Variants in GCNT2 observed in about 807,000 individuals in gnomAD.
The protein encoded by GCNT2 is N-acetyllactosaminide beta-1,6-N-acetylglucosaminyl-transferase.
In GCNT2, 34 loss-of-function variants were observed where a neutral mutation model predicts 34.2. That is an observed-to-expected ratio of 1.00 (90% confidence interval 0.76 to 1.32). The LOEUF (loss-of-function observed/expected upper bound fraction) is 1.32, where lower values mean the gene tolerates loss of function less well. Among genes scored for constraint, GCNT2 ranks in the 40% most tolerant of loss-of-function variants. The probability of loss-of-function intolerance (pLI) is 0.00; values close to 1 mark genes in which losing one functional copy is unlikely to be tolerated. For missense variants in GCNT2, 584 were observed against 489.4 expected, an observed-to-expected ratio of 1.19 and a Z score of -1.82; for synonymous variants, 212 against 188.0, an observed-to-expected ratio of 1.13 and a Z score of -1.04.
At chr6:10,563,770 A>T (rs1581412148) in intron 3 of GCNT2, among the ~76,000 whole-genome samples, 12 of 75,336 alleles carry the variant, frequency 1.6e-4, no homozygotes, top group Non-Finnish European at 2.5e-4. Flanking sequence ...AAAAAAAAAA[A>T]AAAAAAAATA....
rs370679640 is a variant in GCNT2 at position 10,609,339 on chromosome 6, G to GA, written c.926-12011dup. Reference sequence around the variant, plus strand: ...GAGAGCACATAAGAGTGAGAACCAAGAGAGGGTCAAGCTTGCTTTTACAAT... The same window carrying GA: ...GAGAGCACATAAGAGTGAGAACCAAGAAGAGGGTCAAGCTTGCTTTTACAAT... On this transcript the variant is annotated intron_variant, in intron 3 of 4. Transcript: ENST00000495262. Among the ~76,000 whole-genome samples the GA allele has an allele frequency of 3.5e-4, 54 of 152,302 alleles. 1 individual carries two copies. The highest frequency in any genetic ancestry group is 1.3e-3 in the African/African-American group (54 of 41,572).
At chr6:10,567,456 C>G (rs993987826) in intron 3 of GCNT2, among the ~76,000 whole-genome samples, 2 of 151,974 alleles carry the variant, frequency 1.3e-5, no homozygotes, top group Admixed American at 6.6e-5. Flanking sequence ...GATGCTATCT[C>G]AAAGAAAAAG....
chr6:10,585,298 A>G (rs1764297618), intron 3 of GCNT2, among the ~76,000 whole-genome samples: 1 of 151,936 alleles, frequency 6.6e-6, no homozygotes, highest in Non-Finnish European at 1.5e-5. Flanking sequence ...TCCCGCCTCA[A>G]CCTCCTGAGT....
At chr6:10,602,668 T>C (rs1765135645) in intron 3 of GCNT2, among the ~76,000 whole-genome samples, 1 of 152,216 alleles carries the variant, frequency 6.6e-6, no homozygotes, top group African/African-American at 2.4e-5. Flanking sequence ...ACAAGAGTCG[T>C]AAGTGAGCAT....
At chr6:10,585,641 C>T in intron 3 of GCNT2, 1 of 427,252 alleles carries the variant, frequency 2.3e-6, no homozygotes. Flanking sequence ...AAGGACCCAT[C>T]ATTGCATTCC....
At chr6:10,556,953 C>T (rs1561797115) in intron 3 of GCNT2, 4 of 1,613,856 alleles carry the variant, frequency 2.5e-6, no homozygotes, top group Admixed American at 3.3e-5. Context: ...GATCTTTCTG[C>T]CTTCGAGGTC....
At chr6:10,527,174 A>G (rs906086635) in intron 1 of GCNT2, among the ~76,000 whole-genome samples, 2 of 152,196 alleles carry the variant, frequency 1.3e-5, no homozygotes, top group African/African-American at 4.8e-5. Context: ...CTGTAATCCC[A>G]GCACTTTGGG....
chr6:10,553,558 TC>T (rs1762566804), intron 3 of GCNT2, among the ~76,000 whole-genome samples: 1 of 152,218 alleles, frequency 6.6e-6, no homozygotes, highest in Non-Finnish European at 1.5e-5. Context: ...ATACTCTCTT[TC>T]CTTTGGAGCT....
intron 3 of GCNT2, among the ~76,000 whole-genome samples, chr6:10,533,132 C>A (rs1227987045): frequency 6.6e-6 from 1 of 150,560 alleles, no homozygotes; most frequent in Non-Finnish European, 1.5e-5. Flanking sequence ...CATGGTGAAA[C>A]CTATCTCTAC....
chr6:10,538,437 A>AATATATATATATAT lies in GCNT2; in HGVS notation c.925+8608_925+8621dup, dbSNP rs1554127248. ...AAAAAAAAAAAAAAAAAAAAAAAAAAATATATATATATATATATATGTTGA... is the reference window on the plus strand; with the variant it reads ...AAAAAAAAAAAAAAAAAAAAAAAAAAATATATATATATATATATATATATATATATATATGTTGA... On this transcript the variant is annotated intron_variant, in intron 3 of 4. Coordinates refer to ENST00000495262, the MANE Select transcript of GCNT2 (RefSeq NM_145649.5). Among the ~76,000 whole-genome samples the AATATATATATATAT allele has an allele frequency of 2.3e-3, 166 of 73,314 alleles. 5 individuals carry two copies. Among genetic ancestry groups the AATATATATATATAT allele is most frequent in the African/African-American group, 0.018 (151 of 8,362 alleles). The allele number at this position is 73,314 out of a possible 152,430, so 48.1% of individuals were successfully genotyped here.
At chr6:10,617,403 A>G (rs1765826825) in intron 3 of GCNT2, among the ~76,000 whole-genome samples, 1 of 151,836 alleles carries the variant, frequency 6.6e-6, no homozygotes, top group African/African-American at 2.4e-5. Flanking sequence ...CTCTCTCTCC[A>G]CACCTCCCAG....
Position 10,529,418 on chromosome 6 carries a change from T to A in GCNT2, c.507T>A (p.Ala169=). 1 of 1,614,124 alleles carries A rather than the reference T, an allele frequency of 6.2e-7. No individual in the cohort carries two copies. Among genetic ancestry groups the A allele is most frequent in the South Asian group, 1.1e-5 (1 of 91,082 alleles). The part of the protein sequence containing the change: ...VVYGGISRLQ[A]DLNCLEDLVA... ...ATGGGGGGATCTCCAGGCTCCAGGC[T>A]GACCTGAACTGCCTGGAAGACCTTG... The change falls in exon 3 of 5, where the codon GCT becomes GCA. Residue 169 remains alanine, a synonymous_variant. Transcript: ENST00000495262.
chr6:10,592,251 G>A (rs1456873649), intron 3 of GCNT2, among the ~76,000 whole-genome samples: 1 of 152,178 alleles, frequency 6.6e-6, no homozygotes, highest in Non-Finnish European at 1.5e-5. Flanking sequence ...CCATTGAACA[G>A]ACTCTTAAAA....
At chr6:10,579,008 A>C (rs1239598515) in intron 3 of GCNT2, among the ~76,000 whole-genome samples, 2 of 152,234 alleles carry the variant, frequency 1.3e-5, no homozygotes, top group Admixed American at 1.3e-4. Context: ...AGGCAACATC[A>C]AACTATAGGA....
intron 3 of GCNT2, chr6:10,557,222 C>T (rs748768313): frequency 3.8e-6 from 6 of 1,588,792 alleles, no homozygotes; most frequent in African/African-American, 1.4e-5. Context: ...CTATGTGGCT[C>T]TATCAAGAGA....
intron 3 of GCNT2, among the ~76,000 whole-genome samples, chr6:10,551,708 G>T (rs1366588784): frequency 6.6e-6 from 1 of 151,778 alleles, no homozygotes; most frequent in African/African-American, 2.4e-5. Context: ...CTCCCAAAGT[G>T]CTGGGATTAC....
At chr6:10,538,437 A>ATATATATATAT (rs57612140) in intron 3 of GCNT2, among the ~76,000 whole-genome samples, 1 of 73,346 alleles carries the variant, frequency 1.4e-5, no homozygotes, top group African/African-American at 1.2e-4. Context: ...AAAAAAAAAA[A>ATATATATATAT]ATATATATAT....
chr6:10,536,869 G>A (rs1333478995), intron 3 of GCNT2, among the ~76,000 whole-genome samples: 5 of 151,036 alleles, frequency 3.3e-5, no homozygotes, highest in African/African-American at 7.3e-5. Context: ...GGGTTCAGGC[G>A]ATTCTACTAC....
chr6:10,544,978 AAATG>A (rs199953805), intron 3 of GCNT2, among the ~76,000 whole-genome samples: 80 of 151,582 alleles, frequency 5.3e-4, no homozygotes, highest in African/African-American at 8.8e-4. Context: ...ATAAATAAAT[AAATG>A]AGGTGGTCAG....
Sources: allele counts gnomAD v4.1 joint callset (sites outside exome capture counted in the v4.1 genomes callset), GRCh38; gene constraint gnomAD v4.1.1; transcripts MANE v1.5; gene names NCBI Gene and HGNC (gene_info 2026-07-23, HGNC 2026-07-21).